The following IMMP2L variants were observed in gnomAD, a reference collection of about 807,000 sequenced individuals.
IMMP2L encodes inner mitochondrial membrane peptidase subunit 2.
In IMMP2L, 18 loss-of-function variants were observed where a neutral mutation model predicts 19.3. The ratio of observed to expected loss-of-function variants is 0.93; its 90% CI spans 0.64 to 1.38. IMMP2L has a LOEUF of 1.38. Among genes scored for constraint, IMMP2L ranks in the 40% most tolerant of loss-of-function variants. IMMP2L has a pLI of 0.00. For missense variants in IMMP2L, 233 were observed against 218.2 expected (o/e 1.07, Z -0.43); for synonymous variants, 76 against 73.0 (o/e 1.04, Z -0.21).
chr7:111,402,766 A>C (rs1298831894), intron 3 of IMMP2L, among the ~76,000 whole-genome samples: 3 of 152,010 alleles, frequency 2.0e-5, no homozygotes, highest in Non-Finnish European at 4.4e-5. Context: ...AAAAATCCTC[A>C]AGGTGGCATT....
At chr7:111,559,829 A>G (rs1791812455) in intron 1 of IMMP2L, among the ~76,000 whole-genome samples, 1 of 152,132 alleles carries the variant, frequency 6.6e-6, no homozygotes, top group African/African-American at 2.4e-5. Flanking sequence ...AGAAATTTTA[A>G]TGGCCCAAAG....
At chr7:110,994,583 C>T (rs2129560151) in intron 3 of IMMP2L, among the ~76,000 whole-genome samples, 1 of 152,230 alleles carries the variant, frequency 6.6e-6, no homozygotes, top group Middle Eastern at 3.4e-3. Flanking sequence ...TGGGGAGCAC[C>T]AAAAAGGAAA....
chr7:111,208,950 C>T (rs1336543509), intron 3 of IMMP2L, among the ~76,000 whole-genome samples: 3 of 152,186 alleles, frequency 2.0e-5, no homozygotes, highest in African/African-American at 4.8e-5. Flanking sequence ...CTTATGTACA[C>T]ATGCTGTAAA....
chr7:111,319,165 G>A (rs1393122261), intron 3 of IMMP2L, among the ~76,000 whole-genome samples: 1 of 152,078 alleles, frequency 6.6e-6, no homozygotes, highest in East Asian at 1.9e-4. Context: ...GGAATCATTT[G>A]TAATCTTGTC....
intron 3 of IMMP2L, among the ~76,000 whole-genome samples, chr7:111,165,475 T>G (rs2129607858): frequency 6.6e-6 from 1 of 152,170 alleles, no homozygotes; most frequent in South Asian, 2.1e-4. Flanking sequence ...AATTTTATGT[T>G]TAACTTTTTG....
intron 3 of IMMP2L, among the ~76,000 whole-genome samples, chr7:111,150,042 C>T (rs1803902279): frequency 6.6e-6 from 1 of 152,138 alleles, no homozygotes; most frequent in African/African-American, 2.4e-5. Flanking sequence ...TCCAGTACTA[C>T]TTCGTTTTAT....
intron 5 of IMMP2L, among the ~76,000 whole-genome samples, chr7:110,846,343 G>C (rs1267697141): frequency 7.4e-6 from 1 of 135,074 alleles, no homozygotes; most frequent in Non-Finnish European, 1.6e-5. Flanking sequence ...CTCCAACCCT[G>C]ATTTCTTTTT....
chr7:111,236,264 C>A (rs37713), intron 3 of IMMP2L, among the ~76,000 whole-genome samples: 15,711 of 151,966 alleles, frequency 0.1, 1,099 homozygotes, highest in African/African-American at 0.19. Flanking sequence ...TGGGGTGCTA[C>A]ATATTCTTGT....
At chr7:111,545,153 T>C (rs10227394) in intron 1 of IMMP2L, among the ~76,000 whole-genome samples, 5 of 151,988 alleles carry the variant, frequency 3.3e-5, no homozygotes, top group Non-Finnish European at 7.4e-5. Context: ...TAATTTTTTT[T>C]AAAAAAGAGA....
intron 3 of IMMP2L, among the ~76,000 whole-genome samples, chr7:111,039,054 C>T (rs1410916223): frequency 6.6e-6 from 1 of 152,082 alleles, no homozygotes; most frequent in Non-Finnish European, 1.5e-5. Flanking sequence ...TTGTACATAA[C>T]TTCTATTTCA....
chr7:111,099,036 C>T (rs940186103), intron 3 of IMMP2L, among the ~76,000 whole-genome samples: 3 of 151,634 alleles, frequency 2.0e-5, no homozygotes, highest in Non-Finnish European at 3.0e-5. Flanking sequence ...CTGAGTTTTG[C>T]TATCCACTAG....
At chr7:111,345,954 A>C (rs1236445566) in intron 3 of IMMP2L, among the ~76,000 whole-genome samples, 2 of 152,202 alleles carry the variant, frequency 1.3e-5, no homozygotes, top group Non-Finnish European at 2.9e-5. Context: ...CAGCTATTGC[A>C]TATCCTCTTG....
chr7:111,485,381 T>C lies in IMMP2L; in HGVS notation c.239+1857A>G, dbSNP rs867994117. On this transcript the variant is annotated intron_variant, in intron 3 of 5. Coordinates refer to ENST00000405709, the MANE Select transcript of IMMP2L (RefSeq NM_032549.4). ...TTGGGAGGCCGAGGTGGATAGATTATGAGGTCAGGAGATCAAGACCATCGT... is the reference window on the plus strand; with the variant it reads ...TTGGGAGGCCGAGGTGGATAGATTACGAGGTCAGGAGATCAAGACCATCGT... Among the ~76,000 whole-genome samples, 48 of 152,060 alleles carry C rather than the reference T, an allele frequency of 3.2e-4. No individual in the cohort carries two copies. The Middle Eastern group carries it at 0.01, about 32-fold the overall frequency.
chr7:111,319,889 C>A (rs146814768), intron 3 of IMMP2L, among the ~76,000 whole-genome samples: 1 of 151,752 alleles, frequency 6.6e-6, no homozygotes, highest in Admixed American at 6.6e-5. Context: ...CATGGGAGGT[C>A]GTAACAATGA....
chr7:111,188,028 G>A (rs1177323701), intron 3 of IMMP2L, among the ~76,000 whole-genome samples: 2 of 152,012 alleles, frequency 1.3e-5, no homozygotes, highest in Non-Finnish European at 2.9e-5. Flanking sequence ...CAGAGAAGGA[G>A]AAGCTTTAGT....
chr7:111,067,226 T>C (rs1794588513), intron 3 of IMMP2L, among the ~76,000 whole-genome samples: 1 of 152,300 alleles, frequency 6.6e-6, no homozygotes, highest in Non-Finnish European at 1.5e-5. Context: ...TGGAATATAG[T>C]TATGGGAACC....
intron 3 of IMMP2L, among the ~76,000 whole-genome samples, chr7:111,170,937 T>A (rs1182903262): frequency 6.6e-6 from 1 of 151,716 alleles, no homozygotes; most frequent in African/African-American, 2.4e-5. Flanking sequence ...AATATGAGGC[T>A]TGAGGTATGT....
At chr7:111,069,660 C>A (rs7801700) in intron 3 of IMMP2L, among the ~76,000 whole-genome samples, 9,565 of 152,150 alleles carry the variant, frequency 0.063, 363 homozygotes, top group Middle Eastern at 0.16. Context: ...CCGAGACTCT[C>A]TGCAGTATTG....
At chr7:111,104,036 G>T (rs1453667532) in intron 3 of IMMP2L, among the ~76,000 whole-genome samples, 1 of 151,690 alleles carries the variant, frequency 6.6e-6, no homozygotes, top group African/African-American at 2.4e-5. Context: ...TAATATGTGT[G>T]TGAAATGAAA....
Sources: allele counts gnomAD v4.1 joint callset (sites outside exome capture counted in the v4.1 genomes callset), GRCh38; gene constraint gnomAD v4.1.1; transcripts MANE v1.5; gene names NCBI Gene and HGNC (gene_info 2026-07-23, HGNC 2026-07-21).